Variants in UHRF1 observed in about 807,000 individuals in gnomAD.
The protein encoded by UHRF1 is E3 ubiquitin-protein ligase UHRF1.
Under a neutral mutation model 96.5 loss-of-function variants are expected in UHRF1, and 9 were observed. That is an observed-to-expected ratio of 0.09 (90% confidence interval 0.06 to 0.16). The LOEUF (loss-of-function observed/expected upper bound fraction) is 0.16. Among genes scored for constraint, UHRF1 ranks in the 10% least tolerant of loss-of-function variants. The probability of loss-of-function intolerance (pLI) is 1.00; values close to 1 mark genes in which losing one functional copy is unlikely to be tolerated. For missense variants in UHRF1, 626 were observed against 1,131.1 expected (o/e 0.55, Z 6.40); for synonymous variants, 455 against 469.9 (o/e 0.97, Z 0.41).
chr19:4,915,335 C>T (rs748828076), intron 2 of UHRF1, among the ~76,000 whole-genome samples: 3 of 152,206 alleles, frequency 2.0e-5, no homozygotes, highest in African/African-American at 4.8e-5. Context: ...TAGGGTGACT[C>T]ACCACTGCTG....
At chr19:4,941,087 T>TG (rs1332122317) in intron 5 of UHRF1, among the ~76,000 whole-genome samples, 5 of 83,944 alleles carry the variant, frequency 6.0e-5, no homozygotes, top group Non-Finnish European at 8.1e-5. Flanking sequence ...TGTGTTTTGT[T>TG]TTTTTTTTTT....
At chr19:4,922,555 A>C (rs1305084202) in intron 2 of UHRF1, among the ~76,000 whole-genome samples, 2 of 152,260 alleles carry the variant, frequency 1.3e-5, no homozygotes, top group East Asian at 3.8e-4. Flanking sequence ...GGCGTGCACC[A>C]CCGTGCCTGA....
At chr19:4,911,746 A>T (rs2032285881) in intron 2 of UHRF1, among the ~76,000 whole-genome samples, 1 of 151,970 alleles carries the variant, frequency 6.6e-6, no homozygotes, top group African/African-American at 2.4e-5. Flanking sequence ...TGGAGGTGCT[A>T]CTTTGGTTGG....
chr19:4,933,735 C>T (rs2033131236), intron 5 of UHRF1, among the ~76,000 whole-genome samples: 1 of 152,182 alleles, frequency 6.6e-6, no homozygotes, highest in African/African-American at 2.4e-5. Context: ...TGGCAAACTG[C>T]AGTCCACAGG....
intron 9 of UHRF1, 110 bp downstream of exon 9, chr19:4,944,560 G>A: frequency 8.5e-7 from 1 of 1,173,510 alleles, no homozygotes; most frequent in Non-Finnish European, 1.2e-6. Context: ...TACCAGTGGT[G>A]CCTCGGCTAG....
At chr19:4,923,509 A>G (rs984431603) in intron 2 of UHRF1, among the ~76,000 whole-genome samples, 3 of 152,152 alleles carry the variant, frequency 2.0e-5, no homozygotes, top group Admixed American at 1.3e-4. Flanking sequence ...TGCCCCATGC[A>G]GCTGAGCCAT....
rs187926399 is a variant in UHRF1, at chr19:4,932,757, G to T, written c.586G>T (p.Val196Leu). The change falls in exon 5 of 17, where the codon GTG (valine) becomes TTG (leucine). Residue 196 changes from valine to leucine, a missense_variant. Val to Leu is a conservative substitution (Grantham distance 32, BLOSUM62 1). Transcript: ENST00000650932. The part of the protein sequence containing the change: ...VKYDDYPENG[V>L]VQMNSRDVRA... ...TCCTCCCAGCTACCCGGAGAACGGC[G>T]TGGTCCAGATGAACTCCAGGGACGT... 6.2e-7 allele frequency: 1 copy of T among 1,613,846 alleles called. No homozygotes were observed. The highest frequency in any genetic ancestry group is 2.2e-5 in the East Asian group (1 of 44,880).
At chr19:4,918,276 C>A (rs553921074) in intron 2 of UHRF1, among the ~76,000 whole-genome samples, 2 of 151,958 alleles carry the variant, frequency 1.3e-5, no homozygotes, top group South Asian at 2.1e-4. Flanking sequence ...CACACCACCA[C>A]GTCCGGCTAA....
intron 16 of UHRF1, 134 bp downstream of exon 16, chr19:4,956,947 C>T (rs1397927193): frequency 1.5e-6 from 1 of 687,586 alleles, no homozygotes; most frequent in Non-Finnish European, 2.6e-6. Flanking sequence ...TTTCTCGGGG[C>T]CCTGTTGACT....
chr19:4,917,903 C>T (rs749930431), intron 2 of UHRF1, among the ~76,000 whole-genome samples: 15 of 152,018 alleles, frequency 9.9e-5, no homozygotes, highest in Non-Finnish European at 2.1e-4. Flanking sequence ...TCAAGTGATC[C>T]TCCTGCCTCG....
At chr19:4,923,385 C>G (rs1198188112) in intron 2 of UHRF1, among the ~76,000 whole-genome samples, 1 of 151,972 alleles carries the variant, frequency 6.6e-6, no homozygotes, top group African/African-American at 2.4e-5. Context: ...TCGCCCAGGG[C>G]TGCACCTCCG....
chr19:4,905,234 A>G (rs2032042302), upstream of UHRF1, among the ~76,000 whole-genome samples: 1 of 141,094 alleles, frequency 7.1e-6, no homozygotes, highest in Non-Finnish European at 1.5e-5. Flanking sequence ...CTCCTGCCTC[A>G]GCCTCCCGAG....
chr19:4,935,019 G>T (rs2033175296), intron 5 of UHRF1, among the ~76,000 whole-genome samples: 1 of 151,920 alleles, frequency 6.6e-6, no homozygotes, highest in South Asian at 2.1e-4. Flanking sequence ...TGTCACCCAG[G>T]CTGGAATGCA....
At chr19:4,960,634 C>T (rs1312735924) in intron 16 of UHRF1, 23 bp from the exon 17 acceptor site, 15 of 1,610,354 alleles carry the variant, frequency 9.3e-6, no homozygotes, top group Non-Finnish European at 1.1e-5. Context: ...TGGCACTTCT[C>T]ACGCGCCTGC....
intron 5 of UHRF1, 70 bp downstream of exon 5, chr19:4,933,026 T>C: frequency 6.7e-7 from 1 of 1,482,890 alleles, no homozygotes; most frequent in East Asian, 2.5e-5. Context: ...CCGGACTGGC[T>C]TTGAAGCCGT....
rs1445004128 is a variant in UHRF1, at chr19:4,947,203, C to T, written c.1509C>T (p.Asn503=). 13 of 1,613,802 alleles carry T rather than the reference C, an allele frequency of 8.1e-6. No individual in the cohort carries two copies. The highest frequency in any genetic ancestry group is 1.3e-5 in the African/African-American group (1 of 75,040). The change falls in exon 11 of 17, where the codon AAC becomes AAT. Residue 503 remains asparagine, a synonymous_variant. Coordinates refer to ENST00000650932, the MANE Select transcript of UHRF1 (RefSeq NM_001048201.3). Reference sequence around the variant, plus strand: ...AGTCTTGTGATCAGAAACTCACCAACACCAACAGGTTTGTGGAATCAGCCT... The same window carrying T: ...AGTCTTGTGATCAGAAACTCACCAATACCAACAGGTTTGTGGAATCAGCCT... ...AEQSCDQKLT[N]TNRALALNCF...
chr19:4,908,951 C>A (rs2032137056), upstream of UHRF1, among the ~76,000 whole-genome samples: 1 of 152,026 alleles, frequency 6.6e-6, no homozygotes, highest in Non-Finnish European at 1.5e-5. Flanking sequence ...CCTGGACAGC[C>A]TGGAGAAGGC....
At chr19:4,909,281 A>G (rs1211369978), upstream of UHRF1, 1 of 532,280 alleles carries the variant, frequency 1.9e-6, no homozygotes, top group East Asian at 3.5e-5. Context: ...CCTGCCACGC[A>G]GCCCCTTTGC....
chr19:4,908,530 AGCCTTTTCCG>A (rs2032122632), upstream of UHRF1, among the ~76,000 whole-genome samples: 2 of 151,878 alleles, frequency 1.3e-5, no homozygotes, highest in South Asian at 4.2e-4. Flanking sequence ...GACACCTCTA[AGCCTTTTCCG>A]GCCTCTGGGT....
Sources: gnomAD v4.1 joint callset for allele counts (sites outside exome capture counted in the v4.1 genomes callset) on GRCh38, gnomAD v4.1.1 for gene constraint, MANE v1.5 for transcripts, NCBI Gene and HGNC (gene_info 2026-07-23, HGNC 2026-07-21) for gene names.